ARHGAP42: variants seen among roughly 807,000 people sequenced by gnomAD.
The protein encoded by ARHGAP42 is rho GTPase-activating protein 42.
A neutral mutation model predicts 125.0 loss-of-function variants in ARHGAP42; 63 were observed. The observed-to-expected ratio is 0.50, with a 90% CI of 0.41 to 0.62. ARHGAP42 has a LOEUF of 0.62. Ranked by LOEUF, ARHGAP42 falls within the 20% of genes least tolerant of loss-of-function variation. The probability of loss-of-function intolerance (pLI) is 0.00; values close to 1 mark genes in which losing one functional copy is unlikely to be tolerated. For missense variants in ARHGAP42, 766 were observed against 1,024.2 expected (o/e 0.75, Z 3.44); for synonymous variants, 339 against 351.0 (o/e 0.97, Z 0.38).
At chr11:100,774,294 C>G (rs1863057130) in intron 2 of ARHGAP42, among the ~76,000 whole-genome samples, 1 of 152,192 alleles carries the variant, frequency 6.6e-6, no homozygotes, top group South Asian at 2.1e-4. Flanking sequence ...AAGGATCACG[C>G]TTGTCCACCT....
intron 8 of ARHGAP42, among the ~76,000 whole-genome samples, chr11:100,939,062 T>A (rs1867810157): frequency 6.6e-6 from 1 of 152,200 alleles, no homozygotes. Flanking sequence ...GCTCATTGTT[T>A]GGACACAGAG....
chr11:100,829,259 C>G (rs1864602693), intron 3 of ARHGAP42, among the ~76,000 whole-genome samples: 1 of 151,794 alleles, frequency 6.6e-6, no homozygotes, highest in Non-Finnish European at 1.5e-5. Flanking sequence ...CTTTGGGAGG[C>G]CAAGGCGGGA....
At chr11:100,928,206 A>G (rs1867480445) in intron 6 of ARHGAP42, among the ~76,000 whole-genome samples, 3 of 152,310 alleles carry the variant, frequency 2.0e-5, no homozygotes, top group Middle Eastern at 3.4e-3. Flanking sequence ...AGAAGTTTAG[A>G]TGGCCAAATA....
At chr11:100,969,701 A>T (rs1439552162) in intron 17 of ARHGAP42, among the ~76,000 whole-genome samples, 1 of 152,098 alleles carries the variant, frequency 6.6e-6, no homozygotes, top group Non-Finnish European at 1.5e-5. Flanking sequence ...CATTGCCACC[A>T]CACCTCTGTA....
intron 3 of ARHGAP42, among the ~76,000 whole-genome samples, chr11:100,857,329 A>G (rs1004849615): frequency 1.3e-5 from 2 of 152,062 alleles, no homozygotes; most frequent in African/African-American, 4.8e-5. Context: ...GGTGGCTGTT[A>G]ATTATTCTGT....
At chr11:100,871,406 C>A (rs1163153505) in intron 4 of ARHGAP42, among the ~76,000 whole-genome samples, 1 of 151,696 alleles carries the variant, frequency 6.6e-6, no homozygotes, top group East Asian at 1.9e-4. Flanking sequence ...ATTAGCCAGG[C>A]ATCGTGGGGC....
intron 3 of ARHGAP42, among the ~76,000 whole-genome samples, chr11:100,848,621 A>G (rs1865127759): frequency 1.3e-5 from 2 of 151,608 alleles, no homozygotes. Context: ...CTCCTGCCTC[A>G]GGCTCCCGAG....
chr11:100,941,821 A>G lies in ARHGAP42; in HGVS notation c.870A>G (p.Thr290=), dbSNP rs1307081293. 2.0e-6 allele frequency: 3 copies of G among 1,537,618 alleles called. No individual in the cohort carries two copies. The highest frequency in any genetic ancestry group is 2.5e-5 in the South Asian group (2 of 80,038). Residue 290 remains threonine (T), a synonymous_variant, in exon 9 of 24, where the codon ACA becomes ACG. Transcript: ENST00000298815. The part of the protein sequence containing the change: ...LGFTWIKHYC[T]YDKGSKTFTM... ...TTACATGGATTAAACATTATTGTAC[A>G]TATGATAAGGGAAGTAAAACATTTA...
At chr11:100,978,471 T>TA (rs1858445900) in intron 21 of ARHGAP42, among the ~76,000 whole-genome samples, 1 of 152,230 alleles carries the variant, frequency 6.6e-6, no homozygotes, top group Non-Finnish European at 1.5e-5. Flanking sequence ...AAACAAGATG[T>TA]AAATCTACAG....
At chr11:100,714,927 A>G (rs1427164875) in intron 1 of ARHGAP42, among the ~76,000 whole-genome samples, 2 of 151,984 alleles carry the variant, frequency 1.3e-5, no homozygotes, top group Non-Finnish European at 2.9e-5. Flanking sequence ...GCACACCTGT[A>G]GACACAACTA....
At chr11:100,791,182 C>T (rs556707157) in intron 2 of ARHGAP42, among the ~76,000 whole-genome samples, 2 of 152,094 alleles carry the variant, frequency 1.3e-5, no homozygotes, top group Non-Finnish European at 2.9e-5. Context: ...CTAACCCTGG[C>T]CTCTCATGTC....
At chr11:100,985,548 A>C (rs1858653984) in intron 22 of ARHGAP42, among the ~76,000 whole-genome samples, 1 of 152,202 alleles carries the variant, frequency 6.6e-6, no homozygotes, top group Non-Finnish European at 1.5e-5. Context: ...ACCTCTATGC[A>C]ACCAACATAC....
chr11:100,978,556 C>T (rs1168567084), intron 21 of ARHGAP42, among the ~76,000 whole-genome samples: 1 of 150,632 alleles, frequency 6.6e-6, no homozygotes, highest in East Asian at 2.1e-4. Flanking sequence ...TAAAAAAATA[C>T]ATCAATAGTA....
intron 3 of ARHGAP42, among the ~76,000 whole-genome samples, chr11:100,845,068 G>C (rs930894545): frequency 1.3e-5 from 2 of 150,840 alleles, no homozygotes; most frequent in South Asian, 4.2e-4. Context: ...AGTGGATAAA[G>C]AAACTGTGAT....
intron 4 of ARHGAP42, among the ~76,000 whole-genome samples, chr11:100,869,811 G>A (rs1000903367): frequency 6.6e-6 from 1 of 152,060 alleles, no homozygotes; most frequent in African/African-American, 2.4e-5. Context: ...TAATTTGATG[G>A]TACTTACATT....
chr11:100,796,467 C>T (rs937003469), intron 3 of ARHGAP42, among the ~76,000 whole-genome samples: 3 of 152,196 alleles, frequency 2.0e-5, no homozygotes, highest in Admixed American at 6.5e-5. Context: ...TGTCATGTGT[C>T]TCTCACTTTT....
chr11:100,918,556 T>C (rs1867142477), intron 5 of ARHGAP42, among the ~76,000 whole-genome samples: 1 of 152,206 alleles, frequency 6.6e-6, no homozygotes, highest in African/African-American at 2.4e-5. Flanking sequence ...ACTCTACTTA[T>C]CCAGTACAAA....
intron 3 of ARHGAP42, among the ~76,000 whole-genome samples, chr11:100,806,074 T>G (rs1227900698): frequency 6.6e-6 from 1 of 152,220 alleles, no homozygotes; most frequent in African/African-American, 2.4e-5. Flanking sequence ...GTGGTTCAAA[T>G]GCCTCTGATA....
At chr11:100,821,484 A>G (rs1264978940) in intron 3 of ARHGAP42, among the ~76,000 whole-genome samples, 1 of 152,056 alleles carries the variant, frequency 6.6e-6, no homozygotes, top group East Asian at 1.9e-4. Flanking sequence ...CAGCCTATTC[A>G]AAATGACGAA....
Sources: allele counts gnomAD v4.1 joint callset (sites outside exome capture counted in the v4.1 genomes callset), GRCh38; gene constraint gnomAD v4.1.1; transcripts MANE v1.5; gene names NCBI Gene and HGNC (gene_info 2026-07-23, HGNC 2026-07-21).